The following EPRS1 variants were observed in gnomAD, a reference collection of about 807,000 sequenced individuals.
EPRS1 encodes glutamyl-prolyl-tRNA synthetase 1.
EPRS1 carries 107 observed loss-of-function variants against 188.3 expected under a neutral mutation model. The observed-to-expected ratio is 0.57, with a 90% confidence interval of 0.49 to 0.67. The LOEUF is 0.67. EPRS1 is among the 30% of genes least tolerant of loss of function. EPRS1 has a pLI of 0.00. For missense variants in EPRS1, 1,577 were observed against 1,802.2 expected, an observed-to-expected ratio of 0.88 and a Z score of 2.26; for synonymous variants, 596 against 593.1, an observed-to-expected ratio of 1.00 and a Z score of -0.07.
At chr1:220,038,550 T>A (rs1662232674) in intron 2 of EPRS1, among the ~76,000 whole-genome samples, 1 of 151,532 alleles carries the variant, frequency 6.6e-6, no homozygotes, top group South Asian at 2.1e-4. Flanking sequence ...TAATTTTTCC[T>A]CTTTTTTTTG....
chr1:219,990,790 T>C (rs6669906), intron 18 of EPRS1, among the ~76,000 whole-genome samples: 31,035 of 152,144 alleles, frequency 0.2, 4,085 homozygotes, highest in African/African-American at 0.36. Flanking sequence ...CTTAATATAC[T>C]AGTTTTCTGG....
chr1:220,026,554 G>A (rs1304746775), intron 6 of EPRS1, among the ~76,000 whole-genome samples: 2 of 150,914 alleles, frequency 1.3e-5, no homozygotes, highest in East Asian at 1.9e-4. Flanking sequence ...TTTTTGAGAC[G>A]GACTCTCGCT....
Position 220,017,192 on chromosome 1 carries a change from G to A in EPRS1, c.1494+1257C>T, listed in dbSNP as rs534225180. Among the ~76,000 whole-genome samples the A allele has an allele frequency of 8.5e-5, 13 of 152,122 alleles. No homozygotes were observed. In the East Asian group the frequency reaches 1.4e-3, roughly 16 times the overall value. ...TGTGCCATTGCACTCCACCGTGGGC[G>A]ACAGCAAGACTCTATCTCAAAAAAA... is the stretch of plus-strand genomic sequence containing the variant. On this transcript the variant is annotated intron_variant, in intron 12 of 31. Coordinates refer to ENST00000366923, the MANE Select transcript of EPRS1 (RefSeq NM_004446.3).
At chr1:219,979,333 T>G (rs1660846588) in intron 27 of EPRS1, 85 bp downstream of exon 27, 2 of 1,015,048 alleles carry the variant, frequency 2.0e-6, no homozygotes, top group Non-Finnish European at 2.9e-6. Context: ...TGAATGATAT[T>G]CAGAAAATCA....
In EPRS1 at chr1:219,980,208, T is replaced by C; in HGVS notation, c.3588A>G (p.Val1196=). 2 of 1,613,172 alleles carry C rather than the reference T, an allele frequency of 1.2e-6. No individual in the cohort carries two copies. Among genetic ancestry groups the C allele is most frequent in the Non-Finnish European group, 1.7e-6 (2 of 1,179,438 alleles). The change falls in exon 26 of 32, where the codon GTA becomes GTG. Residue 1196 remains valine (V), a synonymous_variant. Transcript: ENST00000366923. ...VLQILDLYAQ[V]YEELLAIPVV... is the part of the protein sequence containing the mutation. ...CAGGAATTGCCAGGAGTTCTTCATA[T>C]ACCTGAGCATATAAGTCAAGTATCT...
At chr1:219,978,305 A>G (rs1018739375) in intron 28 of EPRS1, among the ~76,000 whole-genome samples, 14 of 152,188 alleles carry the variant, frequency 9.2e-5, no homozygotes, top group Non-Finnish European at 5.9e-5. Flanking sequence ...AGCGCTCGAG[A>G]TCGTTTTTAT....
chr1:220,017,582 G>A lies in EPRS1; in HGVS notation c.1494+867C>T, dbSNP rs80081041. Among the ~76,000 whole-genome samples the A allele has an allele frequency of 3.8e-3, 575 of 152,176 alleles. 5 individuals carry two copies. The highest frequency in any genetic ancestry group is 0.013 in the African/African-American group (536 of 41,526). Reference sequence around the variant, plus strand: ...AATAAAACAAATTCAAGACACATGCGAAACAAGCAACTATATCTTGAGGCA... The same window carrying A: ...AATAAAACAAATTCAAGACACATGCAAAACAAGCAACTATATCTTGAGGCA... On this transcript the variant is annotated intron_variant, in intron 12 of 31. Coordinates refer to ENST00000366923, the MANE Select transcript of EPRS1 (RefSeq NM_004446.3).
At chr1:220,015,458 G>A (rs190798046) in intron 12 of EPRS1, among the ~76,000 whole-genome samples, 15 of 151,398 alleles carry the variant, frequency 9.9e-5, no homozygotes, top group Non-Finnish European at 1.5e-4. Flanking sequence ...GTGAGACTCC[G>A]TCTCAGAAAA....
chr1:220,023,643 T>A (rs1009694085), intron 8 of EPRS1, among the ~76,000 whole-genome samples: 1 of 152,186 alleles, frequency 6.6e-6, no homozygotes, highest in African/African-American at 2.4e-5. Flanking sequence ...CATTGTATTA[T>A]AGAAAGGCTA....
chr1:220,005,834 T>TG (rs1177329558), intron 15 of EPRS1, among the ~76,000 whole-genome samples: 2 of 40,912 alleles, frequency 4.9e-5, no homozygotes, highest in African/African-American at 2.1e-4. Flanking sequence ...TTTTTGTTTT[T>TG]TTTTTTGTTT....
chr1:220,024,197 A>T, intron 8 of EPRS1, 67 bp downstream of exon 8: 1 of 1,101,262 alleles, frequency 9.1e-7, no homozygotes, highest in Non-Finnish European at 1.3e-6. Context: ...CACAAAAAAG[A>T]AATCACGTTC....
At position 220,009,961 on chromosome 1, in the gene EPRS1, T is replaced by A. The variant is rs1374820826; in HGVS notation, c.1605+985A>T. Among the ~76,000 whole-genome samples, 3 of 151,704 alleles carry A rather than the reference T, an allele frequency of 2.0e-5. No homozygotes were observed. In the East Asian group the frequency reaches 5.9e-4, roughly 30 times the overall value. ...AAAATACAAACATTGCTGGGTGTAG[T>A]GGCGCACATCTGTAATCCAAGCTAC... On this transcript the variant is annotated intron_variant, in intron 13 of 31. Coordinates refer to ENST00000366923, the MANE Select transcript of EPRS1 (RefSeq NM_004446.3).
intron 6 of EPRS1, among the ~76,000 whole-genome samples, chr1:220,029,046 G>A (rs1321309065): frequency 2.6e-5 from 4 of 152,024 alleles, no homozygotes; most frequent in African/African-American, 9.7e-5. Context: ...TGACAGTGAC[G>A]CAAAATATGA....
intron 12 of EPRS1, among the ~76,000 whole-genome samples, chr1:220,015,783 A>G (rs998307598): frequency 1.7e-5 from 2 of 119,702 alleles, no homozygotes; most frequent in African/African-American, 5.3e-5. Context: ...CAGGAAAGCA[A>G]GAAGGTAATA....
Position 219,980,158 on chromosome 1 carries a change from T to A in EPRS1, c.3638A>T (p.Lys1213Met). 1 of 1,613,722 alleles carries A rather than the reference T, an allele frequency of 6.2e-7. No individual in the cohort carries two copies. The highest frequency in any genetic ancestry group is 8.5e-7 in the Non-Finnish European group (1 of 1,179,740). The change falls in exon 26 of 32, where the codon AAG becomes ATG. Residue 1213 changes from lysine to methionine, a missense_variant. Lys to Met is a moderately conservative substitution (Grantham distance 95, BLOSUM62 -1). Around this residue, in one of 3 missense-constraint regions of EPRS1, gnomAD observed 1,278 missense variants for 1,457.4 expected, o/e 0.88. Transcript: ENST00000366923. Reference protein sequence around the residue: ...IPVVKGRKTEKEKFAGGDYTT... With the variant: ...IPVVKGRKTEMEKFAGGDYTT... ...ATAGTCTCCTCCTGCAAATTTTTCCTTTTCCGTCTTTCTTCCTTTAACAAC... is the reference window on the plus strand; with the variant it reads ...ATAGTCTCCTCCTGCAAATTTTTCCATTTCCGTCTTTCTTCCTTTAACAAC...
intron 12 of EPRS1, among the ~76,000 whole-genome samples, chr1:220,013,193 A>T (rs1661640786): frequency 6.6e-6 from 1 of 152,228 alleles, no homozygotes; most frequent in Non-Finnish European, 1.5e-5. Flanking sequence ...GAAGAAAACT[A>T]GTGAGGTTAA....
rs532702410 is a variant in EPRS1 at position 220,003,334 on chromosome 1, C to T, written c.2063+1914G>A. On this transcript the variant is annotated intron_variant, in intron 16 of 31. Transcript: ENST00000366923. The stretch of plus-strand genomic sequence containing the variant: ...TTCTGGATACAAGTCCTTTAAGAGA[C>T]ATATGTGCAAATATTTTCTCCCATT... Among the ~76,000 whole-genome samples, 10 of 152,274 alleles carry T rather than the reference C, an allele frequency of 6.6e-5. No individual in the cohort carries two copies. In the South Asian group the frequency reaches 2.1e-3, roughly 32 times the overall value.
intron 4 of EPRS1, among the ~76,000 whole-genome samples, chr1:220,033,166 G>A (rs956480158): frequency 1.3e-5 from 2 of 152,070 alleles, no homozygotes; most frequent in Admixed American, 6.6e-5. Context: ...TCAGAGACAA[G>A]TGTCTGGAGT....
In EPRS1 at chr1:220,005,817, G is replaced by GTTTT. The variant is rs765781858; in HGVS notation, c.1950+285_1950+288dup. 5.3e-4 allele frequency among the ~76,000 whole-genome samples: 63 copies of GTTTT among 119,648 alleles called. 2 individuals carry two copies. Among genetic ancestry groups the GTTTT allele is most frequent in the Middle Eastern group, 5.0e-3 (1 of 200 alleles). 78.5% of individuals were successfully genotyped at this position (119,648 alleles called of 152,430 possible). A position where few individuals can be genotyped will look rare whatever the true frequency, so the allele number is the denominator to read the frequency against. On this transcript the variant is annotated intron_variant, in intron 15 of 31. Transcript: ENST00000366923. ...ATAAAATGGAAACATTACTTACATC[G>GTTTT]TTTTTTTTTTTGTTTTTTTTTTTGT...
Sources: gnomAD v4.1 joint callset for allele counts (sites outside exome capture counted in the v4.1 genomes callset) on GRCh38, gnomAD v4.1.1 for gene constraint, gnomAD v4.1.1 regional missense constraint, MANE v1.5 for transcripts, NCBI Gene and HGNC (gene_info 2026-07-23, HGNC 2026-07-21) for gene names.